The following TSPAN3 variants were observed in gnomAD, a reference collection of about 807,000 sequenced individuals.
TSPAN3 encodes tetraspanin 3, also known as tetraspanin-3.
Under a neutral mutation model 31.1 loss-of-function variants are expected in TSPAN3, and 9 were observed. The ratio of observed to expected loss-of-function variants is 0.29; its 90% CI spans 0.17 to 0.50. TSPAN3 has a LOEUF of 0.50. Ranked by LOEUF, TSPAN3 falls within the 20% of genes least tolerant of loss-of-function variation. TSPAN3 has a pLI of 0.98. For synonymous variants in TSPAN3, 129 were observed against 114.3 expected, an observed-to-expected ratio of 1.13 and a Z score of -0.82; for missense variants, 252 against 313.5, an observed-to-expected ratio of 0.80 and a Z score of 1.48.
intron 1 of TSPAN3, among the ~76,000 whole-genome samples, chr15:77,070,591 G>GA (rs1555686592): frequency 4.6e-5 from 7 of 151,972 alleles, no homozygotes; most frequent in South Asian, 2.1e-4. Flanking sequence ...CCGGGGGGGG[G>GA]AGACTGGGGC....
At chr15:77,047,629 A>C (rs560139100) in intron 6 of TSPAN3, among the ~76,000 whole-genome samples, 3 of 152,348 alleles carry the variant, frequency 2.0e-5, no homozygotes, top group South Asian at 4.1e-4. Context: ...TTTTATTTCA[A>C]TAAGTCCTAA....
intron 1 of TSPAN3, among the ~76,000 whole-genome samples, chr15:77,057,779 C>T (rs16968657): frequency 0.023 from 3,535 of 152,164 alleles, 98 homozygotes; most frequent in African/African-American, 0.078. Flanking sequence ...CTGGGCTCTC[C>T]GTGGGCTACA....
At position 77,070,958 on chromosome 15, in the gene TSPAN3, G is replaced by A; in HGVS notation, c.-4C>T. The A allele has an allele frequency of 1.4e-6, 2 of 1,430,936 alleles. No individual in the cohort carries two copies. Among genetic ancestry groups the A allele is most frequent in the Non-Finnish European group, 1.8e-6 (2 of 1,084,942 alleles). The allele number at this position is 1,430,936 out of a possible 1,614,324, so 88.6% of individuals were successfully genotyped here. On this transcript the variant is annotated 5_prime_UTR_variant, in exon 1 of 7. Transcript: ENST00000267970. ...AGGTGATGCCGCACTGGCCCATGGC[G>A]CCGGTGGCCCGCGAAGGCCCGGCCC...
intron 1 of TSPAN3, among the ~76,000 whole-genome samples, chr15:77,062,897 C>T (rs987560675): frequency 6.6e-6 from 1 of 152,058 alleles, no homozygotes; most frequent in Non-Finnish European, 1.5e-5. Flanking sequence ...GGAAAAAACA[C>T]ATATATCACA....
intron 6 of TSPAN3, among the ~76,000 whole-genome samples, chr15:77,048,595 A>G (rs2076708862): frequency 6.6e-6 from 1 of 152,222 alleles, no homozygotes; most frequent in Non-Finnish European, 1.5e-5. Flanking sequence ...TATCCTCACC[A>G]TTAACTATTA....
At chr15:77,050,411 G>A (rs560589926) in intron 6 of TSPAN3, among the ~76,000 whole-genome samples, 130 of 152,198 alleles carry the variant, frequency 8.5e-4, no homozygotes, top group Non-Finnish European at 1.7e-3. Flanking sequence ...GGTGACTTAA[G>A]TATAAAACAC....
At chr15:77,067,707 G>A (rs914458170) in intron 1 of TSPAN3, 4 of 152,192 alleles carry the variant, frequency 2.6e-5, no homozygotes, top group Non-Finnish European at 5.9e-5. Flanking sequence ...AAATTCCCAG[G>A]AAGAACCTTT....
chr15:77,052,997 A>C lies in TSPAN3; in HGVS notation c.433-68T>G, dbSNP rs968893663. The C allele has an allele frequency of 2.1e-6, 3 of 1,462,774 alleles. No individual in the cohort carries two copies. The African/African-American group carries it at 4.2e-5, about 21-fold the overall frequency. 90.6% of individuals were successfully genotyped at this position (1,462,774 alleles called of 1,614,324 possible). A position where few individuals can be genotyped will look rare whatever the true frequency, so the allele number is the denominator to read the frequency against. ...ATACCTGAAGTTCCATGTACTACAG[A>C]GCTTTAAAATAAGCTACTCTAGACC... On this transcript the variant is annotated intron_variant, in intron 4 of 6. Transcript: ENST00000267970.
rs1315556531 is a variant in TSPAN3, at chr15:77,052,936, G to A, written c.433-7C>T. The stretch of plus-strand genomic sequence containing the variant: ...GAATTCCACAACAATGCAGCTAAAG[G>A]AGAAGAGAATAAGTATTATTTCTCA... On this transcript the variant is annotated splice_polypyrimidine_tract_variant and splice_region_variant and intron_variant, in intron 4 of 6. Coordinates refer to ENST00000267970, the MANE Select transcript of TSPAN3 (RefSeq NM_005724.6). 1 of 1,611,328 alleles carries A rather than the reference G, an allele frequency of 6.2e-7. No homozygotes were observed. Among genetic ancestry groups the A allele is most frequent in the Non-Finnish European group, 8.5e-7 (1 of 1,178,358 alleles).
At position 77,045,803 on chromosome 15, in the gene TSPAN3, G is replaced by A. The variant is rs375139181; in HGVS notation, c.*1032C>T. ...ACTCCTTGAAGACAAGGACAGTATC[G>A]CCACTGTATCCCCAGTGCATTGCAC... On this transcript the variant is annotated 3_prime_UTR_variant, in exon 7 of 7. Transcript: ENST00000267970. 4.6e-5 allele frequency: 7 copies of A among 152,232 alleles called. No individual in the cohort carries two copies. Among genetic ancestry groups the A allele is most frequent in the East Asian group, 1.9e-4 (1 of 5,186 alleles). The allele number at this position is 152,232 out of a possible 1,614,324, so 9.4% of individuals were successfully genotyped here.
Position 77,046,828 on chromosome 15 carries a change from T to C in TSPAN3, c.*7A>G, listed in dbSNP as rs116700665. On this transcript the variant is annotated 3_prime_UTR_variant, in exon 7 of 7. Transcript: ENST00000267970. ...CAAGACCAAAAAGCTCAGGCTTGAGTTGTCAACTATGCATAGGTTCCGCCA... is the reference window on the plus strand; with the variant it reads ...CAAGACCAAAAAGCTCAGGCTTGAGCTGTCAACTATGCATAGGTTCCGCCA... The C allele has an allele frequency of 6.8e-4, 1,074 of 1,581,902 alleles. 5 individuals carry two copies. The African/African-American group carries it at 0.012, about 18-fold the overall frequency.
chr15:77,062,031 G>C (rs899622936), intron 1 of TSPAN3, among the ~76,000 whole-genome samples: 1 of 152,192 alleles, frequency 6.6e-6, no homozygotes, highest in African/African-American at 2.4e-5. Flanking sequence ...CTGTACTCTA[G>C]ACTTTGTAAG....
At chr15:77,057,702 C>T (rs900788278) in intron 1 of TSPAN3, among the ~76,000 whole-genome samples, 4 of 152,140 alleles carry the variant, frequency 2.6e-5, no homozygotes, top group African/African-American at 7.2e-5. Context: ...TTTTCATTCT[C>T]TTCACGGACT....
rs1044693599 is a variant in TSPAN3, at chr15:77,054,233, T to C, written c.377A>G (p.Tyr126Cys). The stretch of plus-strand genomic sequence containing the variant: ...AGCAGCATCAGGGTTGGTTCCATTG[T>C]AGGTCTTATACACTTTCTGAATGCT... The part of the protein sequence containing the change: ...DRSIQKVYKT[Y>C]NGTNPDAASR... Residue 126 changes from tyrosine to cysteine, a missense_variant, in exon 4 of 7, where the codon TAC becomes TGC. Tyr to Cys is a radical substitution (Grantham distance 194, BLOSUM62 -2). Coordinates refer to ENST00000267970, the MANE Select transcript of TSPAN3 (RefSeq NM_005724.6). The C allele has an allele frequency of 1.2e-6, 2 of 1,614,030 alleles. No individual in the cohort carries two copies. The highest frequency in any genetic ancestry group is 2.2e-5 in the East Asian group (1 of 44,868).
chr15:77,055,930 A>T, intron 2 of TSPAN3, 67 bp from the exon 3 acceptor site: 8 of 1,534,660 alleles, frequency 5.2e-6, no homozygotes, highest in Non-Finnish European at 7.0e-6. Context: ...CTCTTGATTT[A>T]AAAAAAGTTA....
chr15:77,057,224 GAGTA>G (rs2076774129), intron 1 of TSPAN3, among the ~76,000 whole-genome samples: 1 of 152,214 alleles, frequency 6.6e-6, no homozygotes, highest in African/African-American at 2.4e-5. Context: ...TGCAGTGTCA[GAGTA>G]AGTGTTAAAA....
chr15:77,052,710 A>T lies in TSPAN3; in HGVS notation c.585+67T>A. 7.7e-6 allele frequency: 12 copies of T among 1,554,860 alleles called. 1 individual carries two copies. The South Asian group carries it at 1.4e-4, about 18-fold the overall frequency. ...CAAGGTGGCAGAAAAGAAGTCCCAGATGGTGATAAGACATGGTGAAAAACA... is the reference window on the plus strand; with the variant it reads ...CAAGGTGGCAGAAAAGAAGTCCCAGTTGGTGATAAGACATGGTGAAAAACA... On this transcript the variant is annotated intron_variant, in intron 5 of 6. Transcript: ENST00000267970.
intron 1 of TSPAN3, among the ~76,000 whole-genome samples, chr15:77,062,335 T>C (rs912504703): frequency 1.3e-5 from 2 of 152,206 alleles, no homozygotes; most frequent in Admixed American, 6.5e-5. Flanking sequence ...CTTAATCTGA[T>C]AGAACAGTTT....
At chr15:77,051,074 AT>A (rs950200243) in intron 6 of TSPAN3, among the ~76,000 whole-genome samples, 12 of 150,862 alleles carry the variant, frequency 8.0e-5, no homozygotes, top group East Asian at 2.0e-4. Flanking sequence ...TTTAAAAAAA[AT>A]TTTTTTTTTG....
Sources: allele counts gnomAD v4.1 joint callset (sites outside exome capture counted in the v4.1 genomes callset), GRCh38; gene constraint gnomAD v4.1.1; transcripts MANE v1.5; gene names NCBI Gene and HGNC (gene_info 2026-07-23, HGNC 2026-07-21).